Variants in CSMD1 observed in about 807,000 individuals in gnomAD.
CSMD1 encodes the protein CUB and Sushi multiple domains 1, also known as CUB and sushi domain-containing protein 1.
Under a neutral mutation model 417.5 loss-of-function variants are expected in CSMD1, and 213 were observed. The ratio of observed to expected loss-of-function variants is 0.51; its 90% confidence interval spans 0.46 to 0.57. The LOEUF (loss-of-function observed/expected upper bound fraction) is 0.57, where lower values mean the gene tolerates loss of function less well. Ranked by LOEUF, CSMD1 falls within the 20% of genes least tolerant of loss-of-function variation. CSMD1 has a pLI of 0.00. For synonymous variants in CSMD1, 2,862 were observed against 1,736.8 expected (o/e 1.65, Z -16.11); for missense variants, 6,923 against 4,529.7 (o/e 1.53, Z -15.17).
intron 10 of CSMD1, among the ~76,000 whole-genome samples, chr8:3,498,063 G>A (rs1273564769): frequency 1.3e-5 from 2 of 152,022 alleles, no homozygotes; most frequent in Admixed American, 1.3e-4. Context: ...AGCTTTGCTG[G>A]GTATAGTATT....
chr8:4,398,867 A>G (rs897483121), intron 3 of CSMD1, among the ~76,000 whole-genome samples: 1 of 152,208 alleles, frequency 6.6e-6, no homozygotes, highest in African/African-American at 2.4e-5. Context: ...TTTAAACCAT[A>G]AAATAACTGA....
chr8:3,773,274 G>T (rs1403813398), intron 5 of CSMD1, among the ~76,000 whole-genome samples: 1 of 152,080 alleles, frequency 6.6e-6, no homozygotes, highest in Non-Finnish European at 1.5e-5. Flanking sequence ...CATAATTTGG[G>T]GATATAATAG....
chr8:4,693,943 T>C (rs1311139097), intron 1 of CSMD1, among the ~76,000 whole-genome samples: 1 of 152,172 alleles, frequency 6.6e-6, no homozygotes, highest in African/African-American at 2.4e-5. Context: ...TTCTTTATTG[T>C]CCATGTCATC....
At chr8:4,018,062 T>C (rs913517309) in intron 4 of CSMD1, among the ~76,000 whole-genome samples, 1 of 145,076 alleles carries the variant, frequency 6.9e-6, no homozygotes, top group Admixed American at 6.7e-5. Flanking sequence ...TGTGGGTATG[T>C]ATGCTTGCAA....
chr8:3,983,699 G>A (rs1814084811), intron 5 of CSMD1, among the ~76,000 whole-genome samples: 1 of 152,230 alleles, frequency 6.6e-6, no homozygotes, highest in African/African-American at 2.4e-5. Context: ...TAATCCCATG[G>A]ATTGGGGGCC....
chr8:4,220,015 T>C (rs780168794), intron 3 of CSMD1, among the ~76,000 whole-genome samples: 2 of 152,154 alleles, frequency 1.3e-5, no homozygotes, highest in African/African-American at 2.4e-5. Flanking sequence ...AGTGGTGCGA[T>C]CTAGGCTGAC....
intron 18 of CSMD1, among the ~76,000 whole-genome samples, chr8:3,379,580 C>A (rs1247743442): frequency 6.6e-6 from 1 of 152,122 alleles, no homozygotes; most frequent in Non-Finnish European, 1.5e-5. Flanking sequence ...ACAGAGGTCT[C>A]TGAAATAACA....
At chr8:4,050,235 T>C (rs945299374) in intron 3 of CSMD1, among the ~76,000 whole-genome samples, 3 of 152,120 alleles carry the variant, frequency 2.0e-5, no homozygotes, top group African/African-American at 7.2e-5. Flanking sequence ...TTCTCCACTA[T>C]AAACTTCTGT....
chr8:3,819,492 A>G (rs1232358565), intron 5 of CSMD1, among the ~76,000 whole-genome samples: 1 of 151,846 alleles, frequency 6.6e-6, no homozygotes, highest in Non-Finnish European at 1.5e-5. Context: ...TGCTCTTTCT[A>G]TTCTCCAAGA....
intron 49 of CSMD1, among the ~76,000 whole-genome samples, chr8:3,082,197 C>T (rs576362508): frequency 2.6e-5 from 4 of 152,296 alleles, no homozygotes; most frequent in South Asian, 2.1e-4. Context: ...ACTAAGAATT[C>T]GTGTCTTCCA....
In CSMD1 at chr8:4,752,550, C is replaced by G. The variant is rs143609722; in HGVS notation, c.86-114992G>C. ...GAAACTCAAAGTTAAAACTCTGTACCCAGATGCACAGAGTGAAAACGAAGT... is the reference window on the plus strand; with the variant it reads ...GAAACTCAAAGTTAAAACTCTGTACGCAGATGCACAGAGTGAAAACGAAGT... On this transcript the variant is annotated intron_variant, in intron 1 of 69. Coordinates refer to ENST00000635120, the MANE Select transcript of CSMD1 (RefSeq NM_033225.6). Among the ~76,000 whole-genome samples, 836 of 152,142 alleles carry G rather than the reference C, an allele frequency of 5.5e-3. 7 individuals are homozygous for G. The highest frequency in any genetic ancestry group is 0.017 in the Middle Eastern group (5 of 294).
chr8:3,563,204 T>C (rs749311506), intron 10 of CSMD1, among the ~76,000 whole-genome samples: 4 of 152,050 alleles, frequency 2.6e-5, no homozygotes, highest in Non-Finnish European at 5.9e-5. Flanking sequence ...TTTTTGTTTG[T>C]TTTCTAATGT....
At chr8:4,313,353 C>CAT in intron 3 of CSMD1, among the ~76,000 whole-genome samples, 1 of 151,652 alleles carries the variant, frequency 6.6e-6, no homozygotes, top group East Asian at 1.9e-4. Context: ...GGGTAGCAGA[C>CAT]CATCATTGTC....
At chr8:4,658,609 G>T (rs2126876) in intron 1 of CSMD1, among the ~76,000 whole-genome samples, 1 of 152,006 alleles carries the variant, frequency 6.6e-6, no homozygotes, top group Non-Finnish European at 1.5e-5. Flanking sequence ...ATGAATGCCA[G>T]TGCGGAGTAT....
chr8:3,827,959 C>G (rs964867270), intron 5 of CSMD1, among the ~76,000 whole-genome samples: 1 of 152,150 alleles, frequency 6.6e-6, no homozygotes, highest in Non-Finnish European at 1.5e-5. Context: ...CCTGACATTG[C>G]TAACCAAATA....
chr8:4,433,431 G>T (rs1166951138), intron 2 of CSMD1, among the ~76,000 whole-genome samples: 2 of 151,954 alleles, frequency 1.3e-5, no homozygotes, highest in Non-Finnish European at 1.5e-5. Flanking sequence ...CCAGGAATAG[G>T]GCACATTAAA....
intron 1 of CSMD1, among the ~76,000 whole-genome samples, chr8:4,883,332 T>C (rs1007310589): frequency 2.0e-5 from 3 of 152,134 alleles, no homozygotes; most frequent in East Asian, 1.9e-4. Context: ...GATATAATTA[T>C]CAGATATAAT....
chr8:4,522,321 C>T (rs1471422986), intron 2 of CSMD1, among the ~76,000 whole-genome samples: 3 of 152,182 alleles, frequency 2.0e-5, no homozygotes, highest in Non-Finnish European at 4.4e-5. Context: ...CCATGTGGAA[C>T]TGTGAGTCTA....
intron 32 of CSMD1, among the ~76,000 whole-genome samples, chr8:3,200,469 C>G (rs999326761): frequency 1.3e-5 from 2 of 151,722 alleles, no homozygotes; most frequent in Non-Finnish European, 2.9e-5. Context: ...GCAGGAGAAT[C>G]GCTTGAACCT....
Sources: gnomAD v4.1 joint callset for allele counts (sites outside exome capture counted in the v4.1 genomes callset) on GRCh38, gnomAD v4.1.1 for gene constraint, MANE v1.5 for transcripts, NCBI Gene and HGNC (gene_info 2026-07-23, HGNC 2026-07-21) for gene names.